Variants in RPA1 observed in about 807,000 individuals in gnomAD.
RPA1 encodes the protein replication protein A1.
In RPA1, 49 loss-of-function variants were observed where a neutral mutation model predicts 83.0. The ratio of observed to expected loss-of-function variants is 0.59; its 90% CI spans 0.47 to 0.75. The LOEUF is 0.75. Ranked by LOEUF, RPA1 falls within the 30% of genes least tolerant of loss-of-function variation. The pLI, the probability that RPA1 is intolerant of heterozygous loss-of-function variation, is 0.00. For missense variants in RPA1, 693 were observed against 776.1 expected (o/e 0.89, Z 1.27); for synonymous variants, 279 against 281.8 (o/e 0.99, Z 0.10).
chr17:1,843,002 A>G (rs1912116844), intron 2 of RPA1, 149 bp downstream of exon 2: 1 of 724,088 alleles, frequency 1.4e-6, no homozygotes, highest in Non-Finnish European at 2.4e-6. Flanking sequence ...TGTAACCCTG[A>G]GAGAGCAGCC....
chr17:1,846,417 A>G (rs1433297140), intron 4 of RPA1, among the ~76,000 whole-genome samples: 2 of 144,266 alleles, frequency 1.4e-5, no homozygotes, highest in African/African-American at 2.6e-5. Flanking sequence ...TCCCGGGCTC[A>G]GGTGATTCTC....
rs758506055 is a variant in RPA1 at position 1,877,271 on chromosome 17, G to A, written c.647G>A (p.Arg216Gln). Residue 216 changes from arginine to glutamine, a missense_variant, in exon 8 of 17, where the codon CGA becomes CAA. Physicochemically the swap from Arg to Gln is conservative, Grantham distance 43. Coordinates refer to ENST00000254719, the MANE Select transcript of RPA1 (RefSeq NM_002945.5). The stretch of plus-strand genomic sequence containing the variant: ...CAGATCCGTACCTGGAGCAACTCCC[G>A]AGGGGAAGGGAAGCTTTTCTCCCTA... ...KSQIRTWSNS[R>Q]GEGKLFSLEL... The A allele has an allele frequency of 8.7e-6, 14 of 1,614,044 alleles. No individual in the cohort carries two copies. The highest frequency in any genetic ancestry group is 8.3e-5 in the Admixed American group (5 of 59,994).
intron 4 of RPA1, among the ~76,000 whole-genome samples, chr17:1,850,667 A>G (rs948086135): frequency 4.6e-5 from 7 of 152,066 alleles, no homozygotes; most frequent in Non-Finnish European, 7.4e-5. Context: ...AGGCTGAGGC[A>G]GGTGGATCAC....
intron 5 of RPA1, among the ~76,000 whole-genome samples, chr17:1,866,322 T>C (rs1431498355): frequency 6.6e-6 from 1 of 152,070 alleles, no homozygotes; most frequent in Non-Finnish European, 1.5e-5. Flanking sequence ...TTTTTTTTCT[T>C]TTTTCTTTTT....
chr17:1,892,906 CA>C (rs767943261), intron 15 of RPA1, among the ~76,000 whole-genome samples: 10 of 152,132 alleles, frequency 6.6e-5, no homozygotes, highest in Non-Finnish European at 1.5e-4. Flanking sequence ...TAAGGAAGAC[CA>C]ATAAAAGCTA....
intron 1 of RPA1, among the ~76,000 whole-genome samples, chr17:1,840,687 G>T (rs1415152323): frequency 6.6e-6 from 1 of 152,180 alleles, no homozygotes; most frequent in Admixed American, 6.5e-5. Flanking sequence ...GGGATTATAG[G>T]CAAGAGCCGC....
At chr17:1,868,156 T>C (rs1352994194) in intron 5 of RPA1, among the ~76,000 whole-genome samples, 1 of 152,184 alleles carries the variant, frequency 6.6e-6, no homozygotes, top group African/African-American at 2.4e-5. Context: ...CCAGCTCCAC[T>C]GGGCCTTTCC....
chr17:1,835,442 C>T (rs1371380392), intron 1 of RPA1, among the ~76,000 whole-genome samples: 1 of 152,120 alleles, frequency 6.6e-6, no homozygotes, highest in Non-Finnish European at 1.5e-5. Context: ...TAGGCATGAG[C>T]CACTGTGCCT....
intron 14 of RPA1, among the ~76,000 whole-genome samples, chr17:1,890,531 C>T (rs952409011): frequency 7.9e-5 from 12 of 151,064 alleles, no homozygotes; most frequent in African/African-American, 2.2e-4. Flanking sequence ...GGCGTGGTGG[C>T]GGGCACCTGC....
chr17:1,840,484 C>T (rs1454979632), intron 1 of RPA1, among the ~76,000 whole-genome samples: 1 of 152,092 alleles, frequency 6.6e-6, no homozygotes, highest in Non-Finnish European at 1.5e-5. Context: ...GACAGGGTTT[C>T]ACCGTGTTAG....
At chr17:1,851,536 T>A (rs960742772) in intron 4 of RPA1, among the ~76,000 whole-genome samples, 47 of 152,344 alleles carry the variant, frequency 3.1e-4, no homozygotes, top group African/African-American at 1.1e-3. Context: ...TGTAAGTTGA[T>A]ATTAGTGTAT....
At chr17:1,837,280 T>C (rs1323317927) in intron 1 of RPA1, among the ~76,000 whole-genome samples, 1 of 152,230 alleles carries the variant, frequency 6.6e-6, no homozygotes, top group African/African-American at 2.4e-5. Flanking sequence ...AAATGGTTTT[T>C]GAGATTTACC....
At chr17:1,861,798 A>T (rs944597332) in intron 5 of RPA1, among the ~76,000 whole-genome samples, 1 of 151,266 alleles carries the variant, frequency 6.6e-6, no homozygotes. Context: ...ATCTTGGCTC[A>T]CTGCAACCTC....
At chr17:1,866,077 C>T (rs747601687) in intron 5 of RPA1, among the ~76,000 whole-genome samples, 3 of 151,880 alleles carry the variant, frequency 2.0e-5, no homozygotes, top group Non-Finnish European at 4.4e-5. Flanking sequence ...CCTGTCTCTA[C>T]CAAAAATACA....
At position 1,897,426 on chromosome 17, in the gene RPA1, C is replaced by T. The variant is rs2151294571; in HGVS notation, c.*251C>T. 2.5e-6 allele frequency: 1 copy of T among 397,304 alleles called. No individual in the cohort carries two copies. Among genetic ancestry groups the T allele is most frequent in the South Asian group, 4.4e-5 (1 of 22,588 alleles). The allele number at this position is 397,304 out of a possible 1,614,324, so 24.6% of individuals were successfully genotyped here. On this transcript the variant is annotated 3_prime_UTR_variant, in exon 17 of 17. Transcript: ENST00000254719. ...TGGCTAGCGCAAGACCAGTCACTCC[C>T]TCTGCCTTCAGGCTTCTGTCAATTT...
At chr17:1,887,758 G>A (rs1226059097) in intron 13 of RPA1, among the ~76,000 whole-genome samples, 1 of 151,870 alleles carries the variant, frequency 6.6e-6, no homozygotes, top group East Asian at 1.9e-4. Flanking sequence ...GCGTGGTAGT[G>A]CACGCCTGTA....
intron 12 of RPA1, 104 bp downstream of exon 12, chr17:1,880,795 C>A (rs1357971023): frequency 1.4e-6 from 2 of 1,465,208 alleles, no homozygotes; most frequent in Non-Finnish European, 1.9e-6. Flanking sequence ...GCCTTCGTCC[C>A]TGAGTGGTGC....
chr17:1,899,184 C>T lies in RPA1; in HGVS notation c.*2009C>T, dbSNP rs17292636. 6.5e-6 allele frequency: 1 copy of T among 153,072 alleles called. No individual in the cohort carries two copies. The highest frequency in any genetic ancestry group is 6.5e-5 in the Admixed American group (1 of 15,304). 9.5% of individuals were successfully genotyped at this position (153,072 alleles called of 1,614,324 possible). ...GAGGAGGCTGTTTCTAACAGATTTC[C>T]CCACTCAAAGATCAGATCACCAGCA... On this transcript the variant is annotated 3_prime_UTR_variant, in exon 17 of 17. Coordinates refer to ENST00000254719, the MANE Select transcript of RPA1 (RefSeq NM_002945.5).
intron 1 of RPA1, among the ~76,000 whole-genome samples, chr17:1,840,021 G>A (rs1023104824): frequency 6.6e-6 from 1 of 151,546 alleles, no homozygotes; most frequent in Non-Finnish European, 1.5e-5. Flanking sequence ...TCGAACTCCT[G>A]ACCTCAAGCG....
Sources: gnomAD v4.1 joint callset for allele counts (sites outside exome capture counted in the v4.1 genomes callset) on GRCh38, gnomAD v4.1.1 for gene constraint, MANE v1.5 for transcripts, NCBI Gene and HGNC (gene_info 2026-07-23, HGNC 2026-07-21) for gene names.